Variants in CSMD1 observed in about 807,000 individuals in gnomAD.
CSMD1 encodes CUB and Sushi multiple domains 1, also known as CUB and sushi domain-containing protein 1.
In CSMD1, 213 loss-of-function variants were observed where a neutral mutation model predicts 417.5. The ratio of observed to expected loss-of-function variants is 0.51; its 90% CI spans 0.46 to 0.57. The LOEUF is 0.57. Among genes scored for constraint, CSMD1 ranks in the 20% least tolerant of loss-of-function variants. The probability of loss-of-function intolerance (pLI) is 0.00; values close to 1 mark genes in which losing one functional copy is unlikely to be tolerated. For missense variants in CSMD1, 6,923 were observed against 4,529.7 expected (o/e 1.53, Z -15.17); for synonymous variants, 2,862 against 1,736.8 (o/e 1.65, Z -16.11).
chr8:4,122,843 G>C (rs75144718), intron 3 of CSMD1, among the ~76,000 whole-genome samples: 1 of 152,154 alleles, frequency 6.6e-6, no homozygotes, highest in Non-Finnish European at 1.5e-5. Flanking sequence ...AGAGTTCACA[G>C]AGAACAGAAA....
chr8:4,786,637 G>C (rs975014989), intron 1 of CSMD1, among the ~76,000 whole-genome samples: 6 of 152,176 alleles, frequency 3.9e-5, no homozygotes, highest in Non-Finnish European at 5.9e-5. Flanking sequence ...TCTCTGATCT[G>C]AGCCTGAATC....
intron 3 of CSMD1, among the ~76,000 whole-genome samples, chr8:4,146,542 A>G (rs996341365): frequency 6.9e-6 from 1 of 145,254 alleles, no homozygotes; most frequent in Non-Finnish European, 1.5e-5. Context: ...AAACACCACA[A>G]CTCCAGGGAA....
At chr8:3,545,441 G>A (rs1481389782) in intron 10 of CSMD1, among the ~76,000 whole-genome samples, 1 of 152,148 alleles carries the variant, frequency 6.6e-6, no homozygotes, top group African/African-American at 2.4e-5. Flanking sequence ...CTGAAAAGCA[G>A]GTGCAAAACA....
intron 3 of CSMD1, among the ~76,000 whole-genome samples, chr8:4,145,354 G>C (rs532963971): frequency 6.6e-5 from 10 of 151,080 alleles, no homozygotes; most frequent in African/African-American, 2.5e-4. Context: ...ATGTCAGAAA[G>C]ATCTGGAAAA....
Position 3,367,072 on chromosome 8 carries a change from G to C in CSMD1, c.3075C>G (p.Asp1025Glu). 1 of 1,613,832 alleles carries C rather than the reference G, an allele frequency of 6.2e-7. No homozygotes were observed. Among genetic ancestry groups the C allele is most frequent in the Non-Finnish European group, 8.5e-7 (1 of 1,179,826 alleles). Reference protein sequence around the residue: ...NFTAQLRFISDFSISYEGFNI... With the variant: ...NFTAQLRFISEFSISYEGFNI... Reference sequence around the variant, plus strand: ...TGAAGCCCTCGTACGAAATTGAGAAGTCTGATATAAACCGAAGCTGGGCAG... The same window carrying C: ...TGAAGCCCTCGTACGAAATTGAGAACTCTGATATAAACCGAAGCTGGGCAG... The change falls in exon 20 of 70, where the codon GAC becomes GAG. Residue 1025 changes from aspartate (D) to glutamate (E), a missense_variant. By Grantham distance (45) the Asp-to-Glu change is conservative (BLOSUM62 2). Transcript: ENST00000635120.
intron 12 of CSMD1, among the ~76,000 whole-genome samples, chr8:3,418,733 A>C (rs768028695): frequency 2.0e-5 from 3 of 152,178 alleles, no homozygotes; most frequent in Non-Finnish European, 4.4e-5. Flanking sequence ...TCTCCATTGA[A>C]TTTCCAAATT....
intron 9 of CSMD1, among the ~76,000 whole-genome samples, chr8:3,580,664 G>C (rs1455197572): frequency 6.6e-6 from 1 of 152,136 alleles, no homozygotes; most frequent in East Asian, 1.9e-4. Flanking sequence ...AACAGCAGCA[G>C]AAATTTCTCC....
rs1801891521 is a variant in CSMD1 at position 4,857,807 on chromosome 8, G to A, written c.85+136525C>T. Reference sequence around the variant, plus strand: ...AACCAAAAAGAGTCCAGGACCAGATGGATTCACAGCCGAATTCCACCAGAG... The same window carrying A: ...AACCAAAAAGAGTCCAGGACCAGATAGATTCACAGCCGAATTCCACCAGAG... On this transcript the variant is annotated intron_variant, in intron 1 of 69. Transcript: ENST00000635120. Among the ~76,000 whole-genome samples, 13 of 152,050 alleles carry A rather than the reference G, an allele frequency of 8.5e-5. No homozygotes were observed. In the South Asian group the frequency reaches 2.5e-3, roughly 29 times the overall value.
intron 2 of CSMD1, among the ~76,000 whole-genome samples, chr8:4,461,453 A>G (rs1344353729): frequency 6.6e-6 from 1 of 150,828 alleles, no homozygotes; most frequent in Non-Finnish European, 1.5e-5. Flanking sequence ...TATACAGAAC[A>G]TCTTAGATAT....
At chr8:4,725,995 C>A (rs1809411748) in intron 1 of CSMD1, among the ~76,000 whole-genome samples, 1 of 152,060 alleles carries the variant, frequency 6.6e-6, no homozygotes, top group Non-Finnish European at 1.5e-5. Context: ...GTATCACGAA[C>A]TAGTTGTAAG....
intron 1 of CSMD1, among the ~76,000 whole-genome samples, chr8:4,954,473 T>A (rs1043481660): frequency 1.6e-4 from 24 of 152,218 alleles, no homozygotes; most frequent in African/African-American, 5.8e-4. Flanking sequence ...GAATGATGAC[T>A]GAAATTGATC....
intron 46 of CSMD1, among the ~76,000 whole-genome samples, chr8:3,101,314 T>A (rs1815723302): frequency 1.3e-5 from 2 of 152,234 alleles, no homozygotes; most frequent in African/African-American, 4.8e-5. Flanking sequence ...CTTCACTTTT[T>A]GAAATGCCTC....
chr8:3,635,202 G>T (rs1021726228), intron 7 of CSMD1, among the ~76,000 whole-genome samples: 2 of 152,088 alleles, frequency 1.3e-5, no homozygotes, highest in African/African-American at 4.8e-5. Context: ...GTAGCCAGGT[G>T]CAGTGGCTCA....
At chr8:3,266,030 A>T (rs1563203219) in intron 26 of CSMD1, among the ~76,000 whole-genome samples, 2 of 151,938 alleles carry the variant, frequency 1.3e-5, no homozygotes, top group Non-Finnish European at 2.9e-5. Context: ...CATGAGGTAG[A>T]CATGAGCTGG....
At chr8:4,894,325 A>G (rs1804332295) in intron 1 of CSMD1, among the ~76,000 whole-genome samples, 1 of 151,630 alleles carries the variant, frequency 6.6e-6, no homozygotes, top group Non-Finnish European at 1.5e-5. Context: ...TTTTTATTTA[A>G]TTTTCTACTA....
intron 2 of CSMD1, among the ~76,000 whole-genome samples, chr8:4,477,151 T>C (rs886138243): frequency 5.9e-5 from 9 of 152,216 alleles, no homozygotes; most frequent in African/African-American, 2.2e-4. Flanking sequence ...GGGCATTCTG[T>C]GACCCTTCCT....
chr8:4,151,350 G>C (rs989704227), intron 3 of CSMD1, among the ~76,000 whole-genome samples: 14 of 152,160 alleles, frequency 9.2e-5, no homozygotes, highest in Middle Eastern at 3.2e-3. Flanking sequence ...CTTATTTACA[G>C]TGAGACATTA....
intron 4 of CSMD1, among the ~76,000 whole-genome samples, chr8:4,026,894 G>C (rs962324189): frequency 2.0e-5 from 3 of 152,018 alleles, no homozygotes; most frequent in East Asian, 1.9e-4. Context: ...GTAGTATGCT[G>C]CTGAGCGAAT....
intron 2 of CSMD1, among the ~76,000 whole-genome samples, chr8:4,518,126 T>G (rs531830092): frequency 1.3e-5 from 2 of 152,204 alleles, no homozygotes; most frequent in Non-Finnish European, 2.9e-5. Context: ...TACAGTATTA[T>G]GTTTTTACTG....
Sources: gnomAD v4.1 joint callset for allele counts (sites outside exome capture counted in the v4.1 genomes callset) on GRCh38, gnomAD v4.1.1 for gene constraint, MANE v1.5 for transcripts, NCBI Gene and HGNC (gene_info 2026-07-23, HGNC 2026-07-21) for gene names.